TIMM50: variants seen among roughly 807,000 people sequenced by gnomAD.
The protein encoded by TIMM50 is mitochondrial import inner membrane translocase subunit TIM50.
Under a neutral mutation model 49.6 loss-of-function variants are expected in TIMM50, and 34 were observed. That is an observed-to-expected ratio of 0.69 (90% CI 0.52 to 0.91). TIMM50 has a LOEUF of 0.91. TIMM50 is among the 40% of genes least tolerant of loss of function. TIMM50 has a pLI of 0.00. For missense variants in TIMM50, 458 were observed against 477.8 expected, an observed-to-expected ratio of 0.96 and a Z score of 0.39; for synonymous variants, 199 against 198.4, an observed-to-expected ratio of 1.00 and a Z score of -0.03.
At chr19:39,488,021 T>A in intron 8 of TIMM50, 40 bp from the exon 9 acceptor site, 1 of 1,580,378 alleles carries the variant, frequency 6.3e-7, no homozygotes, top group South Asian at 1.1e-5. Flanking sequence ...GGGGGGAGAG[T>A]TGGGCACAGA....
chr19:39,485,726 C>A lies in TIMM50; in HGVS notation c.411C>A (p.Asp137Glu). 3.1e-6 allele frequency: 5 copies of A among 1,614,148 alleles called. No homozygotes were observed. The highest frequency in any genetic ancestry group is 4.2e-6 in the Non-Finnish European group (5 of 1,180,038). The change falls in exon 6 of 11, where the codon GAC becomes GAA. Residue 137 changes from aspartate to glutamate, a missense_variant. Asp to Glu is a conservative substitution (Grantham distance 45). Coordinates refer to ENST00000607714, the MANE Select transcript of TIMM50 (RefSeq NM_001001563.5). ...IEPTSPCLLP[D>E]PLQEPYYQPP... is the part of the protein sequence containing the mutation. ...CCACCAGCCCTTGCCTTCTCCCAGA[C>A]CCTCTGCAGGAACCGTACTACCAGC... is the stretch of plus-strand genomic sequence containing the variant.
Position 39,486,392 on chromosome 19 carries a change from C to T in TIMM50, c.598-5C>T, listed in dbSNP as rs781695433. On this transcript the variant is annotated splice_polypyrimidine_tract_variant and splice_region_variant and intron_variant, in intron 7 of 10. Coordinates refer to ENST00000607714, the MANE Select transcript of TIMM50 (RefSeq NM_001001563.5). ...GACCTTTTCTCGCTCCCTTCCCACC[C>T]CCAGACTGCGTTTCCACTCATTGAT... 31 of 1,613,996 alleles carry T rather than the reference C, an allele frequency of 1.9e-5. No individual in the cohort carries two copies. Among genetic ancestry groups the T allele is most frequent in the African/African-American group, 2.7e-5 (2 of 74,922 alleles).
rs538296188 is a variant in TIMM50 at position 39,493,131 on chromosome 19, A to C, written c.*3311A>C. 5.3e-5 allele frequency: 8 copies of C among 152,152 alleles called. No homozygotes were observed. Among genetic ancestry groups the C allele is most frequent in the African/African-American group, 1.9e-4 (8 of 41,514 alleles). The allele number at this position is 152,152 out of a possible 1,614,324, so 9.4% of individuals were successfully genotyped here. On this transcript the variant is annotated 3_prime_UTR_variant, in exon 11 of 11. Coordinates refer to ENST00000607714, the MANE Select transcript of TIMM50 (RefSeq NM_001001563.5). Reference sequence around the variant, plus strand: ...TTGAAGCCTCTACAAAGGATAATTAAAATTTACACCATGACTCTTTGTCCT... The same window carrying C: ...TTGAAGCCTCTACAAAGGATAATTACAATTTACACCATGACTCTTTGTCCT...
Position 39,489,805 on chromosome 19 carries a change from C to T in TIMM50, c.1047C>T (p.Arg349=). ...LGSLTSRLWP[R]SKQP ...CCCTCACCAGCCGCTTGTGGCCTCG[C>T]TCCAAACAGCCCTGAACTCTGGGCC... The change falls in exon 11 of 11, where the codon CGC becomes CGT. Residue 349 remains arginine, a synonymous_variant. Transcript: ENST00000607714. 1 of 1,609,310 alleles carries T rather than the reference C, an allele frequency of 6.2e-7. No homozygotes were observed. Among genetic ancestry groups the T allele is most frequent in the Non-Finnish European group, 8.5e-7 (1 of 1,178,152 alleles).
chr19:39,489,646 G>C, intron 10 of TIMM50, 73 bp from the exon 11 acceptor site: 1 of 1,385,554 alleles, frequency 7.2e-7, no homozygotes, highest in Non-Finnish European at 9.9e-7. Flanking sequence ...TGAGGCCTGG[G>C]GACCTGGGCA....
At chr19:39,486,004 C>T (rs920757659) in intron 6 of TIMM50, 183 bp from the exon 7 acceptor site, 1 of 1,093,782 alleles carries the variant, frequency 9.1e-7, no homozygotes, top group Admixed American at 2.0e-5. Context: ...CCCAGGCACG[C>T]TATAAGTGCC....
At position 39,492,980 on chromosome 19, in the gene TIMM50, C is replaced by G. The variant is rs2079558445; in HGVS notation, c.*3160C>G. On this transcript the variant is annotated 3_prime_UTR_variant, in exon 11 of 11. Transcript: ENST00000607714. Reference sequence around the variant, plus strand: ...ACTATCCCAGTCTCTCCTACTCCAGCCTTCATCTAGTGCTAACTGATTAAA... The same window carrying G: ...ACTATCCCAGTCTCTCCTACTCCAGGCTTCATCTAGTGCTAACTGATTAAA... The G allele has an allele frequency of 6.6e-6, 1 of 151,844 alleles. No individual in the cohort carries two copies. The highest frequency in any genetic ancestry group is 2.4e-5 in the African/African-American group (1 of 41,306). The allele number at this position is 151,844 out of a possible 1,614,324, so 9.4% of individuals were successfully genotyped here. A position where few individuals can be genotyped will look rare whatever the true frequency, so the allele number is the denominator to read the frequency against.
chr19:39,484,236 C>T (rs374279986), intron 4 of TIMM50, among the ~76,000 whole-genome samples: 4 of 152,058 alleles, frequency 2.6e-5, no homozygotes, highest in South Asian at 4.1e-4. Context: ...TGTAAGTTTA[C>T]TGTTTTATAC....
At chr19:39,482,160 G>A (rs1405112839) in intron 2 of TIMM50, 127 bp downstream of exon 2, 4 of 1,222,976 alleles carry the variant, frequency 3.3e-6, no homozygotes, top group Non-Finnish European at 4.6e-6. Flanking sequence ...CAATAGGGCA[G>A]CCAAATAAGA....
At chr19:39,485,975 G>T (rs959705793) in intron 6 of TIMM50, 168 bp downstream of exon 6, 20 of 1,166,456 alleles carry the variant, frequency 1.7e-5, no homozygotes, top group Non-Finnish European at 2.5e-5. Flanking sequence ...CACCCACTCT[G>T]TAGGGTAGTG....
intron 1 of TIMM50, among the ~76,000 whole-genome samples, chr19:39,481,508 C>T (rs2079471535): frequency 6.6e-6 from 1 of 152,154 alleles, no homozygotes; most frequent in Middle Eastern, 3.2e-3. Flanking sequence ...GACGTCGTAA[C>T]TCCCGGTTCT....
chr19:39,483,470 A>C, intron 4 of TIMM50: 1 of 374,136 alleles, frequency 2.7e-6, no homozygotes, highest in South Asian at 5.2e-5. Flanking sequence ...TGCGGTTCCC[A>C]ACTCCTTCCC....
At position 39,485,721 on chromosome 19, in the gene TIMM50, C is replaced by T; in HGVS notation, c.406C>T (p.Pro136Ser). The T allele has an allele frequency of 1.9e-6, 3 of 1,614,160 alleles. No individual in the cohort carries two copies. Among genetic ancestry groups the T allele is most frequent in the Non-Finnish European group, 2.5e-6 (3 of 1,180,018 alleles). Reference sequence around the variant, plus strand: ...CGAGCCCACCAGCCCTTGCCTTCTCCCAGACCCTCTGCAGGAACCGTACTA... The same window carrying T: ...CGAGCCCACCAGCCCTTGCCTTCTCTCAGACCCTCTGCAGGAACCGTACTA... ...IIEPTSPCLL[P>S]DPLQEPYYQP... Residue 136 changes from proline to serine, a missense_variant, in exon 6 of 11, where the codon CCA becomes TCA. Transcript: ENST00000607714.
At position 39,482,872 on chromosome 19, in the gene TIMM50, G is replaced by T; in HGVS notation, c.260-13G>T. On this transcript the variant is annotated splice_polypyrimidine_tract_variant and intron_variant, in intron 2 of 10. Coordinates refer to ENST00000607714, the MANE Select transcript of TIMM50 (RefSeq NM_001001563.5). Reference sequence around the variant, plus strand: ...GCCCTAATTCCTCATATTCATCCTGGTCTCCCTTGCAGGAAACAACCCGGT... The same window carrying T: ...GCCCTAATTCCTCATATTCATCCTGTTCTCCCTTGCAGGAAACAACCCGGT... 1 of 1,613,948 alleles carries T rather than the reference G, an allele frequency of 6.2e-7. No individual in the cohort carries two copies.
chr19:39,482,106 G>A, intron 2 of TIMM50, 73 bp downstream of exon 2: 1 of 1,555,588 alleles, frequency 6.4e-7, no homozygotes, highest in Non-Finnish European at 8.8e-7. Flanking sequence ...TCCCACTCTT[G>A]CCCACTACCA....
At chr19:39,484,261 G>A (rs937309971) in intron 4 of TIMM50, among the ~76,000 whole-genome samples, 4 of 152,076 alleles carry the variant, frequency 2.6e-5, no homozygotes, top group African/African-American at 9.7e-5. Context: ...TTCATTAGCC[G>A]GGAGTGGTGG....
intron 8 of TIMM50, 124 bp from the exon 9 acceptor site, chr19:39,487,937 C>T (rs2079518360): frequency 1.1e-5 from 15 of 1,408,996 alleles, no homozygotes; most frequent in East Asian, 2.4e-5. Context: ...CTTTGAGAGG[C>T]CCTGCCATTG....
chr19:39,485,118 G>A (rs574515185), intron 4 of TIMM50: 4 of 180,294 alleles, frequency 2.2e-5, no homozygotes, highest in East Asian at 2.7e-4. Flanking sequence ...CACCACGCCC[G>A]GCTAATTTTT....
In TIMM50 at chr19:39,486,276, G is replaced by C; in HGVS notation, c.582G>C (p.Thr194=). The part of the protein sequence containing the change: ...LAPLYEIVIF[T]SETGMTAFPL... ...CTTTATATGAAATTGTCATCTTTAC[G>C]TCAGAGACTGGCATGGTGAGGCTCT... The change falls in exon 7 of 11, where the codon ACG becomes ACC. Residue 194 remains threonine, a synonymous_variant. Coordinates refer to ENST00000607714, the MANE Select transcript of TIMM50 (RefSeq NM_001001563.5). The C allele has an allele frequency of 6.2e-7, 1 of 1,614,126 alleles. No homozygotes were observed. Among genetic ancestry groups the C allele is most frequent in the Non-Finnish European group, 8.5e-7 (1 of 1,180,016 alleles).
Sources: gnomAD v4.1 joint callset for allele counts (sites outside exome capture counted in the v4.1 genomes callset) on GRCh38, gnomAD v4.1.1 for gene constraint, MANE v1.5 for transcripts, NCBI Gene and HGNC (gene_info 2026-07-23, HGNC 2026-07-21) for gene names.